IL1RAPL2: variants seen among roughly 807,000 people sequenced by gnomAD.
IL1RAPL2 encodes the protein interleukin 1 receptor accessory protein like 2.
A neutral mutation model predicts 44.1 loss-of-function variants in IL1RAPL2; 3 were observed. That is an observed-to-expected ratio of 0.07 (90% CI 0.03 to 0.18). The LOEUF is 0.18. Ranked by LOEUF, IL1RAPL2 falls within the 10% of genes least tolerant of loss-of-function variation. IL1RAPL2 has a pLI of 1.00. For synonymous variants in IL1RAPL2, 181 were observed against 178.8 expected, an observed-to-expected ratio of 1.01 and a Z score of -0.10; for missense variants, 391 against 496.4, an observed-to-expected ratio of 0.79 and a Z score of 2.02.
rs181966037 is a variant in IL1RAPL2, at chrX:105,400,580, A to G, written c.698-83733A>G. On this transcript the variant is annotated intron_variant, in intron 5 of 10. Coordinates refer to ENST00000372582, the MANE Select transcript of IL1RAPL2 (RefSeq NM_017416.2). ...TGAAACTTGATATAAACCAAATCTT[A>G]GAATATATTAAGGGAAATACTTTGA... is the stretch of plus-strand genomic sequence containing the variant. Among the ~76,000 whole-genome samples the G allele has an allele frequency of 7.2e-5, 8 of 111,639 alleles. No individual in the cohort carries two copies. The East Asian group carries it at 1.7e-3, about 24-fold the overall frequency.
intron 8 of IL1RAPL2, 79 bp from the exon 9 acceptor site, chrX:105,748,881 T>C (rs2038572486): frequency 2.0e-6 from 2 of 1,007,229 alleles, no homozygotes; most frequent in Non-Finnish European, 2.7e-6. Context: ...TGTTAGTACA[T>C]CTTATATACT....
At chrX:105,748,589 T>C (rs2038569730) in intron 8 of IL1RAPL2, among the ~76,000 whole-genome samples, 1 of 111,772 alleles carries the variant, frequency 8.9e-6, no homozygotes, top group Non-Finnish European at 1.9e-5. Flanking sequence ...GCTAAACCAA[T>C]AAGATAATTA....
At chrX:105,440,899 G>C (rs1305426408) in intron 5 of IL1RAPL2, among the ~76,000 whole-genome samples, 1 of 111,352 alleles carries the variant, frequency 9.0e-6, no homozygotes, top group Non-Finnish European at 1.9e-5. Context: ...TTATAAATGG[G>C]AGTTCCCCTG....
chrX:105,175,269 A>G (rs141154121), intron 2 of IL1RAPL2, among the ~76,000 whole-genome samples: 3,095 of 111,744 alleles, frequency 0.028, 39 homozygotes, highest in African/African-American at 0.043. Context: ...CATTCCTCAC[A>G]GTAGCATTAA....
At chrX:104,631,843 T>G (rs1193178321) in intron 1 of IL1RAPL2, among the ~76,000 whole-genome samples, 4 of 110,253 alleles carry the variant, frequency 3.6e-5, no homozygotes, top group Non-Finnish European at 7.6e-5. Context: ...CTCTTTAGTT[T>G]AATTAGATCC....
intron 1 of IL1RAPL2, among the ~76,000 whole-genome samples, chrX:104,590,814 C>T (rs1167395198): frequency 1.8e-5 from 2 of 112,159 alleles, no homozygotes; most frequent in Non-Finnish European, 3.8e-5. Flanking sequence ...AGGTCCCTCA[C>T]AGTACTAAAA....
chrX:105,172,205 C>T lies in IL1RAPL2; in HGVS notation c.83-23270C>T, dbSNP rs771347088. On this transcript the variant is annotated intron_variant, in intron 2 of 10. Transcript: ENST00000372582. Reference sequence around the variant, plus strand: ...TGAGGAGAGGAACTGATATGTGGGGCCCCCTCAGGGGCCTGATAACCTGTG... The same window carrying T: ...TGAGGAGAGGAACTGATATGTGGGGTCCCCTCAGGGGCCTGATAACCTGTG... Among the ~76,000 whole-genome samples, 19 of 112,467 alleles carry T rather than the reference C, an allele frequency of 1.7e-4. No homozygotes were observed. In the South Asian group the frequency reaches 6.7e-3, roughly 40 times the overall value.
intron 5 of IL1RAPL2, among the ~76,000 whole-genome samples, chrX:105,323,982 T>C (rs2147689519): frequency 9.0e-6 from 1 of 111,454 alleles, no homozygotes; most frequent in African/African-American, 3.3e-5. Context: ...GTATTGTGTG[T>C]AGGAACTGTA....
intron 2 of IL1RAPL2, among the ~76,000 whole-genome samples, chrX:104,850,220 A>G: frequency 9.0e-6 from 1 of 111,344 alleles, no homozygotes; most frequent in Middle Eastern, 4.7e-3. Context: ...TTTTTTTAAA[A>G]AAACCTCTTT....
At chrX:105,155,577 A>G (rs1320065517) in intron 2 of IL1RAPL2, among the ~76,000 whole-genome samples, 4 of 111,179 alleles carry the variant, frequency 3.6e-5, no homozygotes, top group African/African-American at 9.8e-5. Context: ...ATGGGTAGAG[A>G]CATGATGAAA....
At chrX:105,202,968 A>G (rs782538202) in intron 3 of IL1RAPL2, among the ~76,000 whole-genome samples, 1 of 111,566 alleles carries the variant, frequency 9.0e-6, no homozygotes, top group East Asian at 2.8e-4. Flanking sequence ...TCAGTCTCCC[A>G]TCTGCCTAGA....
At chrX:104,735,620 G>T (rs1403454874) in intron 2 of IL1RAPL2, among the ~76,000 whole-genome samples, 1 of 111,326 alleles carries the variant, frequency 9.0e-6, no homozygotes, top group Non-Finnish European at 1.9e-5. Flanking sequence ...CCCACAGTAG[G>T]CTCTCTTTAG....
At chrX:105,023,906 T>A (rs2031322845) in intron 2 of IL1RAPL2, among the ~76,000 whole-genome samples, 1 of 111,194 alleles carries the variant, frequency 9.0e-6, no homozygotes, top group Admixed American at 9.6e-5. Flanking sequence ...TTGAATTAAT[T>A]CACTAGTTAA....
intron 5 of IL1RAPL2, among the ~76,000 whole-genome samples, chrX:105,304,599 G>A (rs1368464608): frequency 7.2e-5 from 8 of 111,641 alleles, no homozygotes; most frequent in Admixed American, 6.6e-4. Flanking sequence ...TAGAAACAAG[G>A]GCAATACAAA....
chrX:105,235,158 G>A (rs2034109454), intron 4 of IL1RAPL2, among the ~76,000 whole-genome samples: 1 of 112,119 alleles, frequency 8.9e-6, no homozygotes, highest in South Asian at 3.7e-4. Flanking sequence ...AGAATCAATA[G>A]TGTTCTGCTT....
At chrX:104,660,090 T>G (rs1165638463) in intron 2 of IL1RAPL2, among the ~76,000 whole-genome samples, 1 of 111,753 alleles carries the variant, frequency 8.9e-6, no homozygotes, top group Non-Finnish European at 1.9e-5. Flanking sequence ...CAATATATTG[T>G]CTTTTTCTCT....
intron 5 of IL1RAPL2, among the ~76,000 whole-genome samples, chrX:105,268,042 C>T (rs1346836864): frequency 8.9e-6 from 1 of 111,892 alleles, no homozygotes; most frequent in Non-Finnish European, 1.9e-5. Context: ...GAAGAACATG[C>T]ATGTGTGTTT....
At chrX:105,517,674 AAAAC>A (rs2036524544) in intron 6 of IL1RAPL2, among the ~76,000 whole-genome samples, 1 of 111,284 alleles carries the variant, frequency 9.0e-6, no homozygotes, top group Non-Finnish European at 1.9e-5. Flanking sequence ...AACAAAAACA[AAAAC>A]AAACAAACCT....
intron 7 of IL1RAPL2, among the ~76,000 whole-genome samples, chrX:105,726,774 A>G (rs2038355595): frequency 9.0e-6 from 1 of 110,756 alleles, no homozygotes; most frequent in South Asian, 3.8e-4. Flanking sequence ...CAGAAACTCC[A>G]ACCAATCCAG....
Sources: allele counts gnomAD v4.1 joint callset (sites outside exome capture counted in the v4.1 genomes callset), GRCh38; gene constraint gnomAD v4.1.1; transcripts MANE v1.5; gene names NCBI Gene and HGNC (gene_info 2026-07-23, HGNC 2026-07-21).